ROGDI: variants seen among roughly 807,000 people sequenced by gnomAD.
The protein encoded by ROGDI is protein rogdi homolog.
A neutral mutation model predicts 43.1 loss-of-function variants in ROGDI; 46 were observed. The observed-to-expected ratio is 1.07, with a 90% CI of 0.84 to 1.37. The LOEUF (loss-of-function observed/expected upper bound fraction) is 1.37. Ranked by LOEUF, ROGDI falls within the 40% of genes most tolerant of loss-of-function variation. The pLI is 0.00. For missense variants in ROGDI, 518 were observed against 383.9 expected (o/e 1.35, Z -2.92); for synonymous variants, 243 against 162.0 (o/e 1.50, Z -3.80).
intron 3 of ROGDI, 61 bp downstream of exon 3, chr16:4,801,442 G>A (rs773098540): frequency 1.9e-5 from 30 of 1,569,976 alleles, no homozygotes; most frequent in Non-Finnish European, 2.4e-5. Context: ...ACAGGGCTAT[G>A]GCCATGCCTC....
intron 2 of ROGDI, chr16:4,802,116 C>T (rs1225118911): frequency 3.1e-6 from 2 of 648,582 alleles, no homozygotes; most frequent in African/African-American, 1.8e-5. Flanking sequence ...AGATTGGATG[C>T]CGCTGCTCCC....
intron 6 of ROGDI, chr16:4,798,934 C>T: frequency 2.0e-6 from 1 of 512,754 alleles, no homozygotes; most frequent in African/African-American, 2.0e-5. Flanking sequence ...ATGGAAGGTC[C>T]TGGGAGGTCA....
At chr16:4,799,809 C>T (rs751474464) in intron 5 of ROGDI, 28 bp from the exon 6 acceptor site, 8 of 1,547,424 alleles carry the variant, frequency 5.2e-6, no homozygotes, top group Non-Finnish European at 5.3e-6. Flanking sequence ...CCAGAGGGGT[C>T]ACGCCAGCTT....
chr16:4,798,706 G>C, intron 6 of ROGDI, 39 bp from the exon 7 acceptor site: 1 of 1,470,228 alleles, frequency 6.8e-7, no homozygotes, highest in South Asian at 1.2e-5. Flanking sequence ...GTCCTCCCGT[G>C]TCCCCATGCA....
rs1380611606 is a variant in ROGDI, at chr16:4,799,864, C to T, written c.337-83G>A. 10 of 923,798 alleles carry T rather than the reference C, an allele frequency of 1.1e-5. No homozygotes were observed. In the Middle Eastern group the frequency reaches 8.6e-4, roughly 79 times the overall value. 57.2% of individuals were successfully genotyped at this position (923,798 alleles called of 1,614,324 possible). On this transcript the variant is annotated intron_variant, in intron 5 of 10. Transcript: ENST00000322048. ...GAGTGGGTGCTGCCTGCCTGCCCCA[C>T]GTCATTCCACTCTCCACACTGTCAT...
intron 2 of ROGDI, 166 bp from the exon 3 acceptor site, chr16:4,801,751 G>A (rs181841663): frequency 2.8e-5 from 18 of 634,778 alleles, no homozygotes; most frequent in Middle Eastern, 4.2e-4. Flanking sequence ...AGCCCCCAGG[G>A]CACCTAACCG....
intron 9 of ROGDI, 45 bp from the exon 10 acceptor site, chr16:4,797,885 G>C (rs1269518145): frequency 5.6e-6 from 9 of 1,605,016 alleles, no homozygotes; most frequent in Non-Finnish European, 7.7e-6. Context: ...CGGCCCTCCA[G>C]GTGTGGAGGG....
chr16:4,801,863 G>A, intron 2 of ROGDI: 1 of 582,280 alleles, frequency 1.7e-6, no homozygotes, highest in Non-Finnish European at 3.1e-6. Flanking sequence ...TTGGTTGAGG[G>A]GGAAAGGGGC....
intron 4 of ROGDI, 190 bp from the exon 5 acceptor site, chr16:4,800,768 A>G: frequency 3.4e-6 from 2 of 589,754 alleles, no homozygotes; most frequent in Non-Finnish European, 6.0e-6. Context: ...ACAGGAAACC[A>G]GGCCCAAGAA....
At chr16:4,800,621 C>A (rs561219384) in intron 4 of ROGDI, 43 bp from the exon 5 acceptor site, 5 of 1,462,204 alleles carry the variant, frequency 3.4e-6, no homozygotes, top group Admixed American at 2.0e-5. Flanking sequence ...GGGGGGGCAC[C>A]TCCTGCCACA....
At position 4,800,370 on chromosome 16, in the gene ROGDI, G is replaced by C. The variant is rs958715705; in HGVS notation, c.336+128C>G. The C allele has an allele frequency of 6.7e-6, 5 of 749,208 alleles. No individual in the cohort carries two copies. The African/African-American group carries it at 7.1e-5, about 11-fold the overall frequency. The allele number at this position is 749,208 out of a possible 1,614,324, so 46.4% of individuals were successfully genotyped here. A position where few individuals can be genotyped will look rare whatever the true frequency, so the allele number is the denominator to read the frequency against. Reference sequence around the variant, plus strand: ...ACGCCTGCCCCCAGCTTTGCTGTTAGGAAACACCCTCCCAGGCTTGCTGTG... The same window carrying C: ...ACGCCTGCCCCCAGCTTTGCTGTTACGAAACACCCTCCCAGGCTTGCTGTG... On this transcript the variant is annotated intron_variant, in intron 5 of 10. Transcript: ENST00000322048.
chr16:4,801,604 G>C lies in ROGDI; in HGVS notation c.118-19C>G, dbSNP rs750355541. 4 of 1,578,276 alleles carry C rather than the reference G, an allele frequency of 2.5e-6. No individual in the cohort carries two copies. Among genetic ancestry groups the C allele is most frequent in the Non-Finnish European group, 2.6e-6 (3 of 1,162,312 alleles). On this transcript the variant is annotated intron_variant, in intron 2 of 10. Coordinates refer to ENST00000322048, the MANE Select transcript of ROGDI (RefSeq NM_024589.3). ...AGGCCTCCTGTGGAACAGAGGGAAG[G>C]AGGGGAGCTGGTAGCGCCCACTCAG...
In ROGDI at chr16:4,797,488, G is replaced by C. The variant is rs765616394; in HGVS notation, c.836C>G (p.Ser279Cys). The C allele has an allele frequency of 1.9e-5, 30 of 1,613,352 alleles. No homozygotes were observed. The East Asian group carries it at 5.6e-4, about 30-fold the overall frequency. Residue 279 changes from serine to cysteine, a missense_variant, in exon 11 of 11, where the codon TCC becomes TGC. By Grantham distance (112) the Ser-to-Cys change is moderately radical. Coordinates refer to ENST00000322048, the MANE Select transcript of ROGDI (RefSeq NM_024589.3). ...QQLKDKISVFSSYWSYRPF is the reference protein window; with the variant it reads ...QQLKDKISVFCSYWSYRPF Reference sequence around the variant, plus strand: ...GAAGGGTCTGTAGCTCCAGTAGCTGGAGAACACGGAGATCTGCAAGGGGAG... The same window carrying C: ...GAAGGGTCTGTAGCTCCAGTAGCTGCAGAACACGGAGATCTGCAAGGGGAG...
chr16:4,802,536 C>A lies in ROGDI; in HGVS notation c.36G>T (p.Arg12=). 1 of 1,270,764 alleles carries A rather than the reference C, an allele frequency of 7.9e-7. No homozygotes were observed. Among genetic ancestry groups the A allele is most frequent in the Non-Finnish European group, 1.0e-6 (1 of 1,002,704 alleles). The allele number at this position is 1,270,764 out of a possible 1,614,324, so 78.7% of individuals were successfully genotyped here. ...GGCCCGCGCGCCTTACCAGCACCGC[C>A]CGCTCCGCCGCCGTCGCTGCCATCA... ...ATVMAATAAE[R]AVLEEEFRWL... is the part of the protein sequence containing the mutation. The change falls in exon 1 of 11, where the codon CGG becomes CGT. Residue 12 remains arginine (R), a synonymous_variant. Coordinates refer to ENST00000322048, the MANE Select transcript of ROGDI (RefSeq NM_024589.3).
chr16:4,799,233 G>A (rs1009617923), intron 6 of ROGDI, among the ~76,000 whole-genome samples: 3 of 152,076 alleles, frequency 2.0e-5, no homozygotes, highest in African/African-American at 7.2e-5. Flanking sequence ...GAGCTGACTG[G>A]GGGTATAGGG....
At chr16:4,797,539 G>A (rs767268661) in intron 10 of ROGDI, 38 bp from the exon 11 acceptor site, 57 of 1,262,406 alleles carry the variant, frequency 4.5e-5, no homozygotes, top group Non-Finnish European at 5.3e-5. Flanking sequence ...GCTGAAGGGG[G>A]ATGGGGTAGC....
chr16:4,798,222 C>G, intron 7 of ROGDI, 38 bp from the exon 8 acceptor site: 1 of 1,551,284 alleles, frequency 6.4e-7, no homozygotes, highest in Non-Finnish European at 8.8e-7. Flanking sequence ...TCGCAAGCCC[C>G]CAGCCCAGGC....
chr16:4,801,932 G>A (rs1340034406), intron 2 of ROGDI: 6 of 568,212 alleles, frequency 1.1e-5, no homozygotes, highest in Non-Finnish European at 2.0e-5. Flanking sequence ...CTGGGCCACA[G>A]CAAGCACTAC....
chr16:4,798,161 C>T lies in ROGDI; in HGVS notation c.555G>A (p.Pro185=), dbSNP rs771793763. Residue 185 remains proline (P), a synonymous_variant, in exon 8 of 11, where the codon CCG becomes CCA. Transcript: ENST00000322048. The part of the protein sequence containing the change: ...GLTRMFAPAL[P]SDLLVNVYIN... ...TGTAGACGTTGACCAGCAGGTCGGA[C>T]GGCAGGGCAGGGGCGAACATCCGCT... 8.7e-6 allele frequency: 14 copies of T among 1,613,768 alleles called. No homozygotes were observed. The highest frequency in any genetic ancestry group is 1.0e-5 in the Non-Finnish European group (12 of 1,179,902).
Sources: gnomAD v4.1 joint callset for allele counts (sites outside exome capture counted in the v4.1 genomes callset) on GRCh38, gnomAD v4.1.1 for gene constraint, MANE v1.5 for transcripts, NCBI Gene and HGNC (gene_info 2026-07-23, HGNC 2026-07-21) for gene names.